The following MAST4 variants were observed in gnomAD, a reference collection of about 807,000 sequenced individuals.
MAST4 encodes the protein microtubule associated serine/threonine kinase family member 4, also known as microtubule-associated serine/threonine-protein kinase 4.
Under a neutral mutation model 162.7 loss-of-function variants are expected in MAST4, and 89 were observed. The observed-to-expected ratio is 0.55, with a 90% confidence interval of 0.46 to 0.65. MAST4 has a LOEUF of 0.65. Ranked by LOEUF, MAST4 falls within the 30% of genes least tolerant of loss-of-function variation. The pLI is 0.00. For synonymous variants in MAST4, 1,479 were observed against 1,361.1 expected, an observed-to-expected ratio of 1.09 and a Z score of -1.91; for missense variants, 3,153 against 3,374.0, an observed-to-expected ratio of 0.93 and a Z score of 1.62.
chr5:66,985,664 G>T (rs1749397943), intron 4 of MAST4, among the ~76,000 whole-genome samples: 1 of 152,150 alleles, frequency 6.6e-6, no homozygotes, highest in African/African-American at 2.4e-5. Context: ...AAGATACGAG[G>T]TTGGGCTTAG....
intron 1 of MAST4, among the ~76,000 whole-genome samples, chr5:66,658,076 A>G (rs558381268): frequency 6.6e-6 from 1 of 152,324 alleles, no homozygotes; most frequent in Admixed American, 6.5e-5. Context: ...GTCCAGGGTA[A>G]CCTGGTGCTG....
At chr5:67,111,648 A>G (rs1031601747) in intron 11 of MAST4, among the ~76,000 whole-genome samples, 1 of 152,174 alleles carries the variant, frequency 6.6e-6, no homozygotes, top group Admixed American at 6.5e-5. Context: ...ATTATGGACC[A>G]CATGTTTGTA....
intron 14 of MAST4, among the ~76,000 whole-genome samples, chr5:67,128,903 A>G (rs1424723654): frequency 8.5e-5 from 13 of 152,174 alleles, no homozygotes; most frequent in Admixed American, 7.9e-4. Flanking sequence ...CTGTTCCCCC[A>G]TGATATTGAC....
intron 4 of MAST4, among the ~76,000 whole-genome samples, chr5:66,925,189 G>A (rs904090216): frequency 6.6e-6 from 1 of 152,110 alleles, no homozygotes; most frequent in African/African-American, 2.4e-5. Context: ...TTATGTATTA[G>A]TTGAGTGCTC....
chr5:66,837,868 A>T (rs1387288432), intron 3 of MAST4, among the ~76,000 whole-genome samples: 1 of 53,660 alleles, frequency 1.9e-5, no homozygotes, highest in African/African-American at 9.8e-5. Flanking sequence ...TTGATTTTAT[A>T]TATATATATA....
At chr5:67,102,930 A>T (rs1470938282) in intron 9 of MAST4, among the ~76,000 whole-genome samples, 1 of 152,114 alleles carries the variant, frequency 6.6e-6, no homozygotes, top group East Asian at 1.9e-4. Flanking sequence ...TGCACTCTGT[A>T]CCCATATTCT....
At chr5:66,599,136 A>G (rs940480266) in intron 1 of MAST4, among the ~76,000 whole-genome samples, 1 of 152,180 alleles carries the variant, frequency 6.6e-6, no homozygotes, top group Non-Finnish European at 1.5e-5. Context: ...ACGAAAACCA[A>G]ACCATGTAGT....
intron 6 of MAST4, among the ~76,000 whole-genome samples, chr5:67,094,350 T>C (rs1228825899): frequency 6.6e-6 from 1 of 152,248 alleles, no homozygotes; most frequent in Non-Finnish European, 1.5e-5. Flanking sequence ...CATCTAACTG[T>C]GACGTTTCTC....
At chr5:66,839,935 T>TGTGTGG (rs1758299008) in intron 3 of MAST4, among the ~76,000 whole-genome samples, 1 of 152,082 alleles carries the variant, frequency 6.6e-6, no homozygotes, top group African/African-American at 2.4e-5. Context: ...TGTGTGTGTG[T>TGTGTGG]GTTCACAAAG....
chr5:66,914,907 T>C (rs1764007337), intron 4 of MAST4, among the ~76,000 whole-genome samples: 1 of 152,258 alleles, frequency 6.6e-6, no homozygotes, highest in South Asian at 2.1e-4. Context: ...CAAAGAATTA[T>C]CTGCCCAAAA....
chr5:66,730,066 A>G (rs1259449211), intron 1 of MAST4, among the ~76,000 whole-genome samples: 1 of 152,148 alleles, frequency 6.6e-6, no homozygotes, highest in East Asian at 1.9e-4. Context: ...TTAATTTTAG[A>G]GAGAGGAAGT....
intron 4 of MAST4, among the ~76,000 whole-genome samples, chr5:66,981,150 A>AC (rs1227452691): frequency 6.6e-6 from 1 of 151,672 alleles, no homozygotes; most frequent in Admixed American, 6.6e-5. Context: ...ATATGGTAAA[A>AC]CATGTGACTT....
Position 67,130,438 on chromosome 5 carries a change from T to C in MAST4, c.1954+20T>C, listed in dbSNP as rs751080269. 6.2e-7 allele frequency: 1 copy of C among 1,611,658 alleles called. No individual in the cohort carries two copies. Among genetic ancestry groups the C allele is most frequent in the Non-Finnish European group, 8.5e-7 (1 of 1,178,378 alleles). On this transcript the variant is annotated intron_variant, in intron 15 of 28. Transcript: ENST00000403625. Reference sequence around the variant, plus strand: ...TGGAAGGTATCTGACACGGAAAACATGACACCTGTACCCAGGAATCCCTTG... The same window carrying C: ...TGGAAGGTATCTGACACGGAAAACACGACACCTGTACCCAGGAATCCCTTG...
chr5:66,716,141 A>G (rs1305614166), intron 1 of MAST4, among the ~76,000 whole-genome samples: 1 of 152,104 alleles, frequency 6.6e-6, no homozygotes, highest in Non-Finnish European at 1.5e-5. Context: ...AATTTAAGGG[A>G]AAAAAAGGAA....
intron 5 of MAST4, among the ~76,000 whole-genome samples, chr5:67,080,555 T>A (rs1446427124): frequency 6.6e-6 from 1 of 152,134 alleles, no homozygotes; most frequent in Non-Finnish European, 1.5e-5. Context: ...ATATCATGGA[T>A]GCATGTACAG....
chr5:66,914,254 A>G (rs934562434), intron 4 of MAST4, among the ~76,000 whole-genome samples: 3 of 152,202 alleles, frequency 2.0e-5, no homozygotes, highest in African/African-American at 4.8e-5. Flanking sequence ...TAAGAGATGG[A>G]TTAAAGAGGA....
intron 1 of MAST4, among the ~76,000 whole-genome samples, chr5:66,733,106 A>G (rs1359122019): frequency 6.6e-6 from 1 of 152,166 alleles, no homozygotes; most frequent in Non-Finnish European, 1.5e-5. Context: ...CAGAGCTACC[A>G]GGCAAATCTG....
chr5:67,076,656 A>C (rs1466242590), intron 5 of MAST4, among the ~76,000 whole-genome samples: 1 of 152,156 alleles, frequency 6.6e-6, no homozygotes, highest in Non-Finnish European at 1.5e-5. Context: ...TTTCAGTGAC[A>C]GAGAACTGGG....
chr5:66,803,505 A>C lies in MAST4; in HGVS notation c.642+14711A>C, dbSNP rs570764355. On this transcript the variant is annotated intron_variant, in intron 3 of 28. Coordinates refer to ENST00000403625, the MANE Select transcript of MAST4 (RefSeq NM_001164664.2). Reference sequence around the variant, plus strand: ...ATTATGCTGAGTTTTGCTATTCTAGACCATGGTATATTGCTCTGTTTATTT... The same window carrying C: ...ATTATGCTGAGTTTTGCTATTCTAGCCCATGGTATATTGCTCTGTTTATTT... Among the ~76,000 whole-genome samples the C allele has an allele frequency of 1.2e-3, 180 of 152,148 alleles. 5 individuals carry two copies. In the South Asian group the frequency reaches 0.036, roughly 30 times the overall value.
Sources: gnomAD v4.1 joint callset for allele counts (sites outside exome capture counted in the v4.1 genomes callset) on GRCh38, gnomAD v4.1.1 for gene constraint, MANE v1.5 for transcripts, NCBI Gene and HGNC (gene_info 2026-07-23, HGNC 2026-07-21) for gene names.